SLCO4A1: variants seen among roughly 807,000 people sequenced by gnomAD.
The protein encoded by SLCO4A1 is solute carrier organic anion transporter family member 4A1.
Under a neutral mutation model 64.6 loss-of-function variants are expected in SLCO4A1, and 51 were observed. The observed-to-expected ratio is 0.79, with a 90% CI of 0.63 to 1.00. The LOEUF is 1.00. Ranked by LOEUF, SLCO4A1 falls within the 50% of genes least tolerant of loss-of-function variation. The probability of loss-of-function intolerance (pLI) is 0.00; values close to 1 mark genes in which losing one functional copy is unlikely to be tolerated. For missense variants in SLCO4A1, 919 were observed against 980.5 expected (o/e 0.94, Z 0.84); for synonymous variants, 471 against 444.9 (o/e 1.06, Z -0.74).
rs1980526996 is a variant in SLCO4A1 at position 62,642,529 on chromosome 20, C to T, written c.-121C>T. ...GAGCGTGGAGCGCTGCGCGGCGCGG[C>T]GGCCGGGCCCTCGAGACGGGGACGG... is the stretch of plus-strand genomic sequence containing the variant. On this transcript the variant is annotated 5_prime_UTR_variant, in exon 1 of 12. Transcript: ENST00000217159. 9.8e-6 allele frequency: 2 copies of T among 203,424 alleles called. No homozygotes were observed. The allele number at this position is 203,424 out of a possible 1,614,324, so 12.6% of individuals were successfully genotyped here.
In SLCO4A1 at chr20:62,660,940, G is replaced by A. The variant is rs1041982065; in HGVS notation, c.1010-124G>A. 68 of 680,140 alleles carry A rather than the reference G, an allele frequency of 1.0e-4. No homozygotes were observed. The African/African-American group carries it at 1.2e-3, about 12-fold the overall frequency. 42.1% of individuals were successfully genotyped at this position (680,140 alleles called of 1,614,324 possible). ...TCCCCGGGGCTGCGAGGGCTGCAGG[G>A]ATGTCAGACAGTGACGTTCCCAGAC... is the stretch of plus-strand genomic sequence containing the variant. On this transcript the variant is annotated intron_variant, in intron 4 of 11. Transcript: ENST00000217159.
chr20:62,674,118 C>G (rs1987474527), downstream of SLCO4A1, among the ~76,000 whole-genome samples: 1 of 152,214 alleles, frequency 6.6e-6, no homozygotes, highest in Non-Finnish European at 1.5e-5. Context: ...CGGCGGATGC[C>G]TGCCCTCAAG....
intron 1 of SLCO4A1, chr20:62,643,163 G>A (rs1405313797): frequency 2.8e-6 from 1 of 360,758 alleles, no homozygotes; most frequent in Non-Finnish European, 5.8e-6. Context: ...TTCCAGCAGC[G>A]GCGGCGCCCC....
chr20:62,689,342 T>TGTGCCCCGTGC (rs1555922076), downstream of SLCO4A1, among the ~76,000 whole-genome samples: 1 of 121,592 alleles, frequency 8.2e-6, no homozygotes, highest in Non-Finnish European at 1.8e-5. Context: ...CAGGCCTGTC[T>TGTGCCCCGTGC]CTTGGGCAGA....
chr20:62,672,801 G>C (rs555118070), downstream of SLCO4A1, among the ~76,000 whole-genome samples: 3 of 152,234 alleles, frequency 2.0e-5, no homozygotes, highest in East Asian at 5.8e-4. Flanking sequence ...GTCCTTAAGA[G>C]ACCTCTGCCA....
At chr20:62,653,369 G>C (rs1054910591) in intron 1 of SLCO4A1, among the ~76,000 whole-genome samples, 1 of 152,218 alleles carries the variant, frequency 6.6e-6, no homozygotes, top group Admixed American at 6.5e-5. Context: ...ACCTGGGGGA[G>C]ATCCCATGGC....
chr20:62,673,737 CTGCCA>C, downstream of SLCO4A1, among the ~76,000 whole-genome samples: 4 of 103,282 alleles, frequency 3.9e-5, no homozygotes, highest in African/African-American at 2.9e-5. Context: ...GACTGGAATC[CTGCCA>C]AGGGCCACGT....
In SLCO4A1 at chr20:62,651,756, A is replaced by C. The variant is rs1982539514; in HGVS notation, c.-96-4603A>C. ...GCCATTGCTGGTCACGAAACTTAGC[A>C]ATCTGGCTTCCTCTCAAAGCTATGC... On this transcript the variant is annotated intron_variant, in intron 1 of 11. Coordinates refer to ENST00000217159, the MANE Select transcript of SLCO4A1 (RefSeq NM_016354.4). 2.0e-5 allele frequency: 3 copies of C among 152,162 alleles called. No homozygotes were observed. The South Asian group carries it at 6.2e-4, about 32-fold the overall frequency. The allele number at this position is 152,162 out of a possible 1,614,324, so 9.4% of individuals were successfully genotyped here.
At position 62,659,197 on chromosome 20, in the gene SLCO4A1, TCA is replaced by T. The variant is rs1407355091; in HGVS notation, c.887+433_887+434del. ...GAAAGACACGTAGAGACAGACCAAT[TCA>T]CAGAGACAGATGGAGATAGAGATAC... On this transcript the variant is annotated intron_variant, in intron 3 of 11. Coordinates refer to ENST00000217159, the MANE Select transcript of SLCO4A1 (RefSeq NM_016354.4). Among the ~76,000 whole-genome samples, 24 of 151,960 alleles carry T rather than the reference TCA, an allele frequency of 1.6e-4. 1 individual carries two copies. The highest frequency in any genetic ancestry group is 5.1e-4 in the African/African-American group (21 of 41,444).
chr20:62,662,809 CCCCCCCAGGGT>C (rs1985268846), intron 5 of SLCO4A1, among the ~76,000 whole-genome samples: 1 of 133,002 alleles, frequency 7.5e-6, no homozygotes, highest in African/African-American at 2.9e-5. Flanking sequence ...CACGCCAGAA[CCCCCCCAGGGT>C]GCCCACCCCA....
downstream of SLCO4A1, chr20:62,672,708 G>C (rs1987370130): frequency 1.3e-5 from 2 of 152,282 alleles, no homozygotes; most frequent in African/African-American, 4.8e-5. Context: ...CCGGCCCCAG[G>C]ATGGCTGTGT....
In SLCO4A1 at chr20:62,661,253, C is replaced by T; in HGVS notation, c.1121+78C>T. 9.8e-7 allele frequency: 1 copy of T among 1,018,004 alleles called. No homozygotes were observed. The allele number at this position is 1,018,004 out of a possible 1,614,324, so 63.1% of individuals were successfully genotyped here. ...CCCATCTTGGGGGAGTCGTTGAGAC[C>T]CCTCCGGGATCATGATGGGGACGCA... On this transcript the variant is annotated intron_variant, in intron 5 of 11. Coordinates refer to ENST00000217159, the MANE Select transcript of SLCO4A1 (RefSeq NM_016354.4). This position sits in a 1 kb window ranked among gnomAD's most constrained non-coding sequence, Gnocchi z 5.2.
At chr20:62,684,546 A>C (rs1417653807) in intron 2 of SLCO4A1, among the ~76,000 whole-genome samples, 1 of 152,100 alleles carries the variant, frequency 6.6e-6, no homozygotes, top group East Asian at 1.9e-4. Context: ...ATCACAGGGG[A>C]GACTGCTTGT....
chr20:62,673,014 TC>T (rs1189419450), downstream of SLCO4A1, among the ~76,000 whole-genome samples: 3 of 142,676 alleles, frequency 2.1e-5, no homozygotes, highest in Admixed American at 7.0e-5. Flanking sequence ...TCGGTCAAGA[TC>T]CCCCCCAAAT....
rs1420199103 is a variant in SLCO4A1, at chr20:62,642,550, G to C, written c.-100G>C. The C allele has an allele frequency of 6.0e-5, 12 of 200,056 alleles. No individual in the cohort carries two copies. Among genetic ancestry groups the C allele is most frequent in the Non-Finnish European group, 1.1e-4 (11 of 97,226 alleles). 12.4% of individuals were successfully genotyped at this position (200,056 alleles called of 1,614,324 possible). A position where few individuals can be genotyped will look rare whatever the true frequency, so the allele number is the denominator to read the frequency against. The stretch of plus-strand genomic sequence containing the variant: ...GCGGCGGCCGGGCCCTCGAGACGGG[G>C]ACGGTGAGTGCGCGGGGAGCGGGGA... On this transcript the variant is annotated 5_prime_UTR_variant, in exon 1 of 12. Transcript: ENST00000217159.
rs375451890 is a variant in SLCO4A1, at chr20:62,668,940, G to A, written c.1887G>A (p.Pro629=). The A allele has an allele frequency of 8.7e-6, 14 of 1,604,572 alleles. No homozygotes were observed. Among genetic ancestry groups the A allele is most frequent in the African/African-American group, 2.7e-5 (2 of 75,010 alleles). Residue 629 remains proline (P), a synonymous_variant, in exon 11 of 12, where the codon CCG becomes CCA. Coordinates refer to ENST00000217159, the MANE Select transcript of SLCO4A1 (RefSeq NM_016354.4). The part of the protein sequence containing the change: ...WIVVRILGGI[P]GPIAFGWVID... ...GGCTTCTCTCCGCAGGGGGCATCCCGGGGCCCATCGCCTTCGGCTGGGTGA... is the reference window on the plus strand; with the variant it reads ...GGCTTCTCTCCGCAGGGGGCATCCCAGGGCCCATCGCCTTCGGCTGGGTGA...
chr20:62,659,518 T>A (rs1732576881), intron 3 of SLCO4A1, among the ~76,000 whole-genome samples: 1 of 152,210 alleles, frequency 6.6e-6, no homozygotes, highest in African/African-American at 2.4e-5. Flanking sequence ...GTCAAGTGTG[T>A]GCGTTCTGGG....
At chr20:62,666,144 T>TTCCCCTTCCCCC (rs1986281641) in intron 6 of SLCO4A1, 1 of 94,992 alleles carries the variant, frequency 1.1e-5, no homozygotes, top group Admixed American at 1.3e-4. Flanking sequence ...CCCCTTCCCC[T>TTCCCCTTCCCCC]TCCCCTTCCC....
At position 62,668,183 on chromosome 20, in the gene SLCO4A1, C is replaced by A. The variant is rs200844019; in HGVS notation, c.1810C>A (p.Arg604=). The A allele has an allele frequency of 1.9e-6, 3 of 1,613,746 alleles. No individual in the cohort carries two copies. Among genetic ancestry groups the A allele is most frequent in the Non-Finnish European group, 2.5e-6 (3 of 1,179,828 alleles). ...SSIPALTATL[R]CVRDPQRSFA... ...CATTCCTGCACTAACGGCAACTCTACGGTAAGCTGGGGTCGGGTGTGCGCT... is the reference window on the plus strand; with the variant it reads ...CATTCCTGCACTAACGGCAACTCTAAGGTAAGCTGGGGTCGGGTGTGCGCT... The change falls in exon 9 of 12, where the codon CGA becomes AGA. Residue 604 remains arginine (R), a splice_region_variant and synonymous_variant. Transcript: ENST00000217159.
Sources: allele counts gnomAD v4.1 joint callset (sites outside exome capture counted in the v4.1 genomes callset), GRCh38; gene constraint gnomAD v4.1.1; non-coding constraint Gnocchi (gnomAD v3.1); transcripts MANE v1.5; gene names NCBI Gene and HGNC (gene_info 2026-07-23, HGNC 2026-07-21).